Variants in DYNC1LI2 observed in about 807,000 individuals in gnomAD.
The protein encoded by DYNC1LI2 is dynein cytoplasmic 1 light intermediate chain 2.
Under a neutral mutation model 57.8 loss-of-function variants are expected in DYNC1LI2, and 19 were observed. The ratio of observed to expected loss-of-function variants is 0.33; its 90% CI spans 0.23 to 0.48. The LOEUF (loss-of-function observed/expected upper bound fraction) is 0.48. Ranked by LOEUF, DYNC1LI2 falls within the 20% of genes least tolerant of loss-of-function variation. DYNC1LI2 has a pLI of 0.99. For missense variants in DYNC1LI2, 470 were observed against 604.2 expected (o/e 0.78, Z 2.33); for synonymous variants, 256 against 233.4 (o/e 1.10, Z -0.88).
In DYNC1LI2 at chr16:66,725,825, T is replaced by C; in HGVS notation, c.1378+3A>G. 15 of 1,612,482 alleles carry C rather than the reference T, an allele frequency of 9.3e-6. No individual in the cohort carries two copies. The highest frequency in any genetic ancestry group is 1.2e-5 in the Non-Finnish European group (14 of 1,179,472). ...GTCACAAGTCTCCAGGGCCCTTCTG[T>C]ACCTGACTTCTTGGCTGTGCTCTGC... On this transcript the variant is annotated splice_donor_region_variant and intron_variant, in intron 12 of 12. Coordinates refer to ENST00000258198, the MANE Select transcript of DYNC1LI2 (RefSeq NM_006141.3).
intron 3 of DYNC1LI2, among the ~76,000 whole-genome samples, chr16:66,744,706 C>T (rs575653481): frequency 2.0e-5 from 3 of 152,032 alleles, no homozygotes; most frequent in South Asian, 2.1e-4. Flanking sequence ...ACTACAGGCA[C>T]GTGCCACTAC....
At chr16:66,743,616 A>G (rs932555369) in intron 3 of DYNC1LI2, among the ~76,000 whole-genome samples, 8 of 151,976 alleles carry the variant, frequency 5.3e-5, no homozygotes, top group African/African-American at 1.7e-4. Context: ...ATAAAAACCA[A>G]AAGATACTAA....
chr16:66,723,622 A>C lies in DYNC1LI2; in HGVS notation c.*100T>G. On this transcript the variant is annotated 3_prime_UTR_variant, in exon 13 of 13. Transcript: ENST00000258198. Reference sequence around the variant, plus strand: ...TTTTAAAGTTCATCTCCCCTGCCCCAAAAAACTGATAGCATGTGCCATATC... The same window carrying C: ...TTTTAAAGTTCATCTCCCCTGCCCCCAAAAACTGATAGCATGTGCCATATC... 9.4e-7 allele frequency: 1 copy of C among 1,063,910 alleles called. No individual in the cohort carries two copies. The highest frequency in any genetic ancestry group is 1.4e-6 in the Non-Finnish European group (1 of 737,820). 65.9% of individuals were successfully genotyped at this position (1,063,910 alleles called of 1,614,324 possible).
chr16:66,728,126 C>T lies in DYNC1LI2; in HGVS notation c.1143+75G>A, dbSNP rs2017568473. 22 of 1,587,314 alleles carry T rather than the reference C, an allele frequency of 1.4e-5. No homozygotes were observed. In the South Asian group the frequency reaches 2.5e-4, roughly 18 times the overall value. ...CAAAACCCACACAAATATACGCTCT[C>T]ACAAATAATGGTATAAAGTTTGATG... On this transcript the variant is annotated intron_variant, in intron 10 of 12. Coordinates refer to ENST00000258198, the MANE Select transcript of DYNC1LI2 (RefSeq NM_006141.3).
At position 66,736,246 on chromosome 16, in the gene DYNC1LI2, T is replaced by TG; in HGVS notation, c.530-3dup. 1.2e-6 allele frequency: 2 copies of TG among 1,609,102 alleles called. No individual in the cohort carries two copies. Among genetic ancestry groups the TG allele is most frequent in the Non-Finnish European group, 1.7e-6 (2 of 1,176,958 alleles). ...TATAGTCTTGAAAATCTTTCACAAC[T>TG]GGGGGAAAAAGAGGAAAAAAAATCA... On this transcript the variant is annotated splice_region_variant and splice_polypyrimidine_tract_variant and intron_variant, in intron 4 of 12. Transcript: ENST00000258198.
chr16:66,729,779 CT>C (rs1248906678), intron 8 of DYNC1LI2, among the ~76,000 whole-genome samples: 1 of 151,310 alleles, frequency 6.6e-6, no homozygotes, highest in African/African-American at 2.4e-5. Flanking sequence ...CACCTAAACC[CT>C]TTTTCTTCTT....
At chr16:66,742,770 A>G (rs926642353) in intron 3 of DYNC1LI2, 102 bp from the exon 4 acceptor site, 11 of 1,300,618 alleles carry the variant, frequency 8.5e-6, no homozygotes, top group Non-Finnish European at 1.2e-5. Flanking sequence ...GACAGCTATG[A>G]ATTCTAAATA....
rs1203386258 is a variant in DYNC1LI2 at position 66,723,760 on chromosome 16, A to C, written c.1441T>G (p.Ser481Ala). The change falls in exon 13 of 13, where the codon TCT (serine) becomes GCT (alanine). Residue 481 changes from serine to alanine, a missense_variant. Coordinates refer to ENST00000258198, the MANE Select transcript of DYNC1LI2 (RefSeq NM_006141.3). The stretch of plus-strand genomic sequence containing the variant: ...TCTGTTGAAGAGTTTGTTACCATAG[A>C]GTCTGGCTTTCGAGTCATTCTATCC... ...ELDRMTRKPD[S>A]MVTNSSTENE... 4.3e-6 allele frequency: 7 copies of C among 1,610,560 alleles called. No homozygotes were observed. Among genetic ancestry groups the C allele is most frequent in the Non-Finnish European group, 5.9e-6 (7 of 1,179,304 alleles).
Position 66,728,970 on chromosome 16 carries a change from C to T in DYNC1LI2, c.1101+70G>A, listed in dbSNP as rs999744458. ...GTGACTTCCCACATGCAGACACCCC[C>T]AACCCCACCCTAGGGACTGGCATTT... On this transcript the variant is annotated intron_variant, in intron 9 of 12. Transcript: ENST00000258198. The T allele has an allele frequency of 4.5e-6, 7 of 1,562,632 alleles. No homozygotes were observed. The Admixed American group carries it at 1.2e-4, about 26-fold the overall frequency.
chr16:66,741,077 C>T (rs1392770184), intron 4 of DYNC1LI2, among the ~76,000 whole-genome samples: 1 of 141,828 alleles, frequency 7.1e-6, no homozygotes. Flanking sequence ...GTACCTGGTA[C>T]AGTATAGGGC....
At chr16:66,740,271 A>C (rs572016758) in intron 4 of DYNC1LI2, among the ~76,000 whole-genome samples, 74 of 152,322 alleles carry the variant, frequency 4.9e-4, no homozygotes, top group Non-Finnish European at 2.9e-4. Flanking sequence ...CAAAATCATA[A>C]GAATGGAGAC....
At chr16:66,726,544 A>G (rs1226570889) in intron 11 of DYNC1LI2, among the ~76,000 whole-genome samples, 2 of 152,232 alleles carry the variant, frequency 1.3e-5, no homozygotes, top group African/African-American at 4.8e-5. Flanking sequence ...CTGTAATCCC[A>G]TCACTTGGGG....
chr16:66,737,952 A>G (rs913956978), intron 4 of DYNC1LI2, among the ~76,000 whole-genome samples: 2 of 152,208 alleles, frequency 1.3e-5, no homozygotes, highest in Non-Finnish European at 2.9e-5. Context: ...TTCTAAGTCC[A>G]GTAAGACTGA....
Position 66,734,328 on chromosome 16 carries a change from C to T in DYNC1LI2, c.700-17G>A. Reference sequence around the variant, plus strand: ...CGCATCACACTGCAGGGAAGACAGACAGAGTCACCTTTTTGCTTCATTGCC... The same window carrying T: ...CGCATCACACTGCAGGGAAGACAGATAGAGTCACCTTTTTGCTTCATTGCC... On this transcript the variant is annotated splice_polypyrimidine_tract_variant and intron_variant, in intron 5 of 12. Coordinates refer to ENST00000258198, the MANE Select transcript of DYNC1LI2 (RefSeq NM_006141.3). The T allele has an allele frequency of 3.1e-6, 5 of 1,613,228 alleles. No individual in the cohort carries two copies. Among genetic ancestry groups the T allele is most frequent in the Non-Finnish European group, 4.2e-6 (5 of 1,179,464 alleles).
chr16:66,742,801 C>A, intron 3 of DYNC1LI2, 133 bp from the exon 4 acceptor site: 3 of 1,077,748 alleles, frequency 2.8e-6, no homozygotes, highest in Admixed American at 2.6e-5. Flanking sequence ...TTTGGAAATC[C>A]AAACCAAAAA....
intron 5 of DYNC1LI2, 90 bp from the exon 6 acceptor site, chr16:66,734,401 T>TTTCTTCTTTGGAGCCACAATA: frequency 7.8e-7 from 1 of 1,287,750 alleles, no homozygotes; most frequent in Non-Finnish European, 1.1e-6. Flanking sequence ...GTATTGTGGC[T>TTTCTTCTTTGGAGCCACAATA]CCAAAGAAGA....
At chr16:66,744,349 G>T in intron 3 of DYNC1LI2, among the ~76,000 whole-genome samples, 1 of 152,196 alleles carries the variant, frequency 6.6e-6, no homozygotes, top group Non-Finnish European at 1.5e-5. Flanking sequence ...AGTGCGCCCA[G>T]CCAGAACTGG....
rs1475590564 is a variant in DYNC1LI2, at chr16:66,721,486, T to C, written c.*2236A>G. The C allele has an allele frequency of 2.6e-5, 4 of 152,664 alleles. No individual in the cohort carries two copies. Among genetic ancestry groups the C allele is most frequent in the African/African-American group, 9.6e-5 (4 of 41,462 alleles). The allele number at this position is 152,664 out of a possible 1,614,324, so 9.5% of individuals were successfully genotyped here. A position where few individuals can be genotyped will look rare whatever the true frequency, so the allele number is the denominator to read the frequency against. On this transcript the variant is annotated 3_prime_UTR_variant, in exon 13 of 13. Transcript: ENST00000258198. ...ACTAAAGGCTGTTTATTATTTGGCC[T>C]TTGGTTCCAATGCTTGAAAACCCCA...
At chr16:66,735,570 G>C (rs917274405) in intron 5 of DYNC1LI2, among the ~76,000 whole-genome samples, 1 of 151,832 alleles carries the variant, frequency 6.6e-6, no homozygotes, top group African/African-American at 2.4e-5. Context: ...GCAATGGCAT[G>C]ATCTCGGCTC....
Sources: allele counts gnomAD v4.1 joint callset (sites outside exome capture counted in the v4.1 genomes callset), GRCh38; gene constraint gnomAD v4.1.1; transcripts MANE v1.5; gene names NCBI Gene and HGNC (gene_info 2026-07-23, HGNC 2026-07-21).